SHQ1: variants seen among roughly 807,000 people sequenced by gnomAD.
The protein encoded by SHQ1 is protein SHQ1 homolog.
In SHQ1, 49 loss-of-function variants were observed where a neutral mutation model predicts 53.8. The observed-to-expected ratio is 0.91, with a 90% CI of 0.72 to 1.16. The LOEUF is 1.16. Ranked by LOEUF, SHQ1 falls within the 50% of genes most tolerant of loss-of-function variation. The pLI is 0.00. For missense variants in SHQ1, 738 were observed against 683.1 expected (o/e 1.08, Z -0.90); for synonymous variants, 243 against 251.0 (o/e 0.97, Z 0.30).
At chr3:72,804,472 T>A (rs1173594538) in intron 9 of SHQ1, among the ~76,000 whole-genome samples, 1 of 147,124 alleles carries the variant, frequency 6.8e-6, no homozygotes, top group Non-Finnish European at 1.5e-5. Context: ...GTTGCCCGTG[T>A]CCATGTGTTC....
At chr3:72,806,217 T>G (rs1706939820) in intron 9 of SHQ1, among the ~76,000 whole-genome samples, 1 of 152,170 alleles carries the variant, frequency 6.6e-6, no homozygotes, top group South Asian at 2.1e-4. Flanking sequence ...GGAAGGAGAA[T>G]CCGGAGTTCT....
chr3:72,802,449 A>G (rs1281945357), intron 9 of SHQ1, among the ~76,000 whole-genome samples: 1 of 152,178 alleles, frequency 6.6e-6, no homozygotes, highest in African/African-American at 2.4e-5. Flanking sequence ...CTCCCTGAAT[A>G]AGACCCAAAC....
Position 72,848,181 on chromosome 3 carries a change from A to G in SHQ1, c.143+17T>C. On this transcript the variant is annotated intron_variant, in intron 1 of 10. Transcript: ENST00000325599. ...TAACGAATGCGCCTTTCCTGCGGCCAGGCACCCCGAACTCGCCTGAGAAAG... is the reference window on the plus strand; with the variant it reads ...TAACGAATGCGCCTTTCCTGCGGCCGGGCACCCCGAACTCGCCTGAGAAAG... The G allele has an allele frequency of 3.7e-6, 6 of 1,614,074 alleles. No individual in the cohort carries two copies. Among genetic ancestry groups the G allele is most frequent in the Non-Finnish European group, 5.1e-6 (6 of 1,179,978 alleles).
intron 10 of SHQ1, among the ~76,000 whole-genome samples, chr3:72,774,512 C>G (rs575406424): frequency 3.2e-4 from 48 of 152,136 alleles, no homozygotes; most frequent in Non-Finnish European, 6.2e-4. Context: ...AGTTAGAAAT[C>G]AACAACAAAA....
chr3:72,837,236 A>C (rs1401030259), intron 4 of SHQ1, among the ~76,000 whole-genome samples: 1 of 152,188 alleles, frequency 6.6e-6, no homozygotes, highest in African/African-American at 2.4e-5. Flanking sequence ...GGAAGAATAT[A>C]TCTCTGGGTA....
intron 4 of SHQ1, among the ~76,000 whole-genome samples, chr3:72,833,447 TAGA>T (rs1707885268): frequency 2.0e-5 from 1 of 51,230 alleles, no homozygotes; most frequent in South Asian, 5.0e-4. Context: ...TCAGAGATGA[TAGA>T]TAGATAGATA....
chr3:72,788,343 A>G (rs1393322780), intron 10 of SHQ1, among the ~76,000 whole-genome samples: 1 of 146,450 alleles, frequency 6.8e-6, no homozygotes, highest in Admixed American at 6.8e-5. Context: ...CTGGGAACTG[A>G]GGAGTGTCTC....
chr3:72,831,628 C>T (rs1019581036), intron 5 of SHQ1, among the ~76,000 whole-genome samples: 9 of 152,142 alleles, frequency 5.9e-5, no homozygotes, highest in African/African-American at 1.4e-4. Context: ...ACATAAAACC[C>T]TCATTCTCCA....
rs375722695 is a variant in SHQ1 at position 72,848,270 on chromosome 3, G to A, written c.71C>T (p.Ala24Val). 1.2e-6 allele frequency: 2 copies of A among 1,614,234 alleles called. No homozygotes were observed. The highest frequency in any genetic ancestry group is 2.2e-5 in the East Asian group (1 of 44,870). ...FLTIAIRVPYARVSEFDVYFE... is the reference protein window; with the variant it reads ...FLTIAIRVPYVRVSEFDVYFE... Reference sequence around the variant, plus strand: ...GTAGACGTCGAACTCGGAGACCCGGGCGTAGGGCACGCGGATGGCGATAGT... The same window carrying A: ...GTAGACGTCGAACTCGGAGACCCGGACGTAGGGCACGCGGATGGCGATAGT... Residue 24 changes from alanine to valine, a missense_variant, in exon 1 of 11, where the codon GCC (alanine) becomes GTC (valine). Ala to Val is a moderately conservative substitution (Grantham distance 64, BLOSUM62 0). Coordinates refer to ENST00000325599, the MANE Select transcript of SHQ1 (RefSeq NM_018130.3).
chr3:72,786,401 C>A (rs553676098), intron 10 of SHQ1, among the ~76,000 whole-genome samples: 1 of 152,298 alleles, frequency 6.6e-6, no homozygotes, highest in Admixed American at 6.5e-5. Flanking sequence ...CTTTAGGTGG[C>A]CAAGCCTCTA....
At chr3:72,833,643 A>G (rs903718922) in intron 4 of SHQ1, among the ~76,000 whole-genome samples, 2 of 152,188 alleles carry the variant, frequency 1.3e-5, no homozygotes, top group African/African-American at 4.8e-5. Context: ...GAATCCTAAG[A>G]ATCAGTTTTC....
Position 72,767,056 on chromosome 3 carries a change from C to G in SHQ1, c.1182-16220G>C, listed in dbSNP as rs191287133. Reference sequence around the variant, plus strand: ...TAATCTAAAGCCCTAATTTGTTTGACAAAGATGAAGCCTAGAGACTTTAGC... The same window carrying G: ...TAATCTAAAGCCCTAATTTGTTTGAGAAAGATGAAGCCTAGAGACTTTAGC... On this transcript the variant is annotated intron_variant, in intron 10 of 10. Transcript: ENST00000325599. Among the ~76,000 whole-genome samples, 61 of 152,284 alleles carry G rather than the reference C, an allele frequency of 4.0e-4. No homozygotes were observed. In the Middle Eastern group the frequency reaches 0.01, roughly 25 times the overall value.
the SHQ1 span, among the ~76,000 whole-genome samples, chr3:72,743,738 C>T: frequency 2.0e-5 from 3 of 152,116 alleles, no homozygotes; most frequent in South Asian, 2.1e-4. Context: ...GTGGACAGAA[C>T]GTTGTGTGGG....
chr3:72,763,639 T>C (rs1046617656), intron 10 of SHQ1, among the ~76,000 whole-genome samples: 12 of 152,158 alleles, frequency 7.9e-5, no homozygotes, highest in African/African-American at 2.4e-4. Context: ...GGTGTCCTTA[T>C]AAAAAACACA....
chr3:72,761,564 T>C (rs1705609157), intron 10 of SHQ1, among the ~76,000 whole-genome samples: 1 of 152,202 alleles, frequency 6.6e-6, no homozygotes, highest in African/African-American at 2.4e-5. Flanking sequence ...TTGGATGCTA[T>C]GCAAAAGGAC....
At chr3:72,738,929 G>C in the SHQ1 span, among the ~76,000 whole-genome samples, 1 of 152,174 alleles carries the variant, frequency 6.6e-6, no homozygotes, top group Admixed American at 6.5e-5. Context: ...ACCCGACGGA[G>C]CTACACCCGC....
At chr3:72,837,263 G>A (rs549303463) in intron 4 of SHQ1, among the ~76,000 whole-genome samples, 6 of 152,266 alleles carry the variant, frequency 3.9e-5, no homozygotes, top group African/African-American at 1.2e-4. Flanking sequence ...GTGGAGGGAG[G>A]AATGTTCAAA....
At chr3:72,787,238 A>C (rs908562785) in intron 10 of SHQ1, among the ~76,000 whole-genome samples, 1 of 152,244 alleles carries the variant, frequency 6.6e-6, no homozygotes, top group African/African-American at 2.4e-5. Flanking sequence ...TTAACCATTA[A>C]TCAGTTTAAT....
the SHQ1 span, among the ~76,000 whole-genome samples, chr3:72,734,891 CT>C: frequency 5.9e-5 from 9 of 151,602 alleles, no homozygotes; most frequent in Admixed American, 5.9e-4. Flanking sequence ...ACCTGATCCC[CT>C]CATCCTAGAG....
Sources: gnomAD v4.1 joint callset for allele counts (sites outside exome capture counted in the v4.1 genomes callset) on GRCh38, gnomAD v4.1.1 for gene constraint, MANE v1.5 for transcripts, NCBI Gene and HGNC (gene_info 2026-07-23, HGNC 2026-07-21) for gene names.